Variants in ADGRL2 observed in about 807,000 individuals in gnomAD.
ADGRL2 encodes the protein adhesion G protein-coupled receptor L2.
A neutral mutation model predicts 157.4 loss-of-function variants in ADGRL2; 44 were observed. That is an observed-to-expected ratio of 0.28 (90% CI 0.22 to 0.36). The LOEUF is 0.36. ADGRL2 is among the 10% of genes least tolerant of loss of function. The probability of loss-of-function intolerance (pLI) is 1.00; values close to 1 mark genes in which losing one functional copy is unlikely to be tolerated. For synonymous variants in ADGRL2, 585 were observed against 624.7 expected (o/e 0.94, Z 0.95); for missense variants, 1,510 against 1,768.9 (o/e 0.85, Z 2.63).
At chr1:81,642,250 A>C (rs78439589) in intron 3 of ADGRL2, among the ~76,000 whole-genome samples, 2,316 of 142,504 alleles carry the variant, frequency 0.016, 16 homozygotes, top group African/African-American at 0.057. Flanking sequence ...TCTGTCTCCA[A>C]AAAAAAAAAA....
intron 1 of ADGRL2, among the ~76,000 whole-genome samples, chr1:81,374,553 C>G (rs1166871264): frequency 1.5e-5 from 2 of 131,916 alleles, no homozygotes; most frequent in Non-Finnish European, 3.2e-5. Flanking sequence ...GCCTAAGCAA[C>G]AGAGTGAGAC....
In ADGRL2 at chr1:81,347,627, A is replaced by G. The variant is rs541251676; in HGVS notation, c.-302+41118A>G. On this transcript the variant is annotated intron_variant, in intron 1 of 24. Coordinates refer to the ADGRL2 transcript ENST00000370721. ...TCCTTATGCTTATAATAAAAAGTGA[A>G]GAAGGAATTGTTAATCAAAAAGGAA... Among the ~76,000 whole-genome samples the G allele has an allele frequency of 2.6e-5, 4 of 152,336 alleles. No homozygotes were observed. The South Asian group carries it at 8.3e-4, about 32-fold the overall frequency.
chr1:81,971,925 A>T lies in ADGRL2; in HGVS notation c.3021+7A>T, dbSNP rs1304822987. 1 of 1,603,720 alleles carries T rather than the reference A, an allele frequency of 6.2e-7. No homozygotes were observed. Reference sequence around the variant, plus strand: ...TGTTACCTTCATTATTCTGGTAAGCAGGTTCTGTTTTCCCTTGCTTTTTAG... The same window carrying T: ...TGTTACCTTCATTATTCTGGTAAGCTGGTTCTGTTTTCCCTTGCTTTTTAG... On this transcript the variant is annotated splice_region_variant and intron_variant, in intron 17 of 23. Transcript: ENST00000686636.
intron 2 of ADGRL2, among the ~76,000 whole-genome samples, chr1:81,843,222 T>A (rs913231653): frequency 6.6e-6 from 1 of 152,130 alleles, no homozygotes; most frequent in Non-Finnish European, 1.5e-5. Flanking sequence ...AACCTCGGCC[T>A]CCTGGGTTCA....
At chr1:81,397,465 G>T (rs757579640) in intron 1 of ADGRL2, among the ~76,000 whole-genome samples, 4 of 151,628 alleles carry the variant, frequency 2.6e-5, no homozygotes, top group African/African-American at 9.7e-5. Context: ...GACTAGAGGC[G>T]CCCGCCACCA....
intron 2 of ADGRL2, among the ~76,000 whole-genome samples, chr1:81,889,136 T>A (rs989513779): frequency 3.3e-5 from 5 of 152,184 alleles, no homozygotes; most frequent in Non-Finnish European, 7.4e-5. Context: ...CAACGGCCTA[T>A]ATATGTTCAA....
chr1:81,865,936 G>A, intron 2 of ADGRL2, among the ~76,000 whole-genome samples: 1 of 152,186 alleles, frequency 6.6e-6, no homozygotes, highest in Non-Finnish European at 1.5e-5. Context: ...TGTGCCAACA[G>A]TCATAAAATA....
At chr1:81,430,885 A>G (rs996876323) in intron 1 of ADGRL2, among the ~76,000 whole-genome samples, 4 of 152,218 alleles carry the variant, frequency 2.6e-5, no homozygotes, top group Non-Finnish European at 5.9e-5. Flanking sequence ...TGATTTGTTT[A>G]CTAATTTTGG....
chr1:81,915,481 T>G (rs1243764950), intron 3 of ADGRL2, among the ~76,000 whole-genome samples: 4 of 152,144 alleles, frequency 2.6e-5, no homozygotes, highest in African/African-American at 9.7e-5. Context: ...TACTTCTCAT[T>G]AATTTAGGGG....
chr1:81,969,330 C>T lies in ADGRL2; in HGVS notation c.2676C>T (p.Ile892=). The change falls in exon 15 of 24, where the codon ATC becomes ATT. Residue 892 remains isoleucine, a synonymous_variant. Transcript: ENST00000686636. ...DRNTIHKNLC[I]NLFIAEFIFL... is the part of the protein sequence containing the mutation. ...ATACTATTCACAAGAACCTTTGTATCAACCTTTTCATTGCTGAATTTATTT... is the reference window on the plus strand; with the variant it reads ...ATACTATTCACAAGAACCTTTGTATTAACCTTTTCATTGCTGAATTTATTT... The T allele has an allele frequency of 6.2e-7, 1 of 1,613,944 alleles. No individual in the cohort carries two copies. The highest frequency in any genetic ancestry group is 1.1e-5 in the South Asian group (1 of 91,078).
intron 2 of ADGRL2, among the ~76,000 whole-genome samples, chr1:81,563,379 A>G (rs1391408250): frequency 1.3e-5 from 2 of 152,130 alleles, no homozygotes; most frequent in Non-Finnish European, 2.9e-5. Context: ...TTGATTACTT[A>G]AGGGATAGGC....
At chr1:81,377,296 C>T (rs2076266941) in intron 1 of ADGRL2, among the ~76,000 whole-genome samples, 1 of 152,018 alleles carries the variant, frequency 6.6e-6, no homozygotes, top group Non-Finnish European at 1.5e-5. Context: ...TGAGATTACT[C>T]TGAAAGTTGA....
At chr1:81,413,899 C>T (rs1342115721) in intron 1 of ADGRL2, among the ~76,000 whole-genome samples, 2 of 152,124 alleles carry the variant, frequency 1.3e-5, no homozygotes, top group Non-Finnish European at 1.5e-5. Flanking sequence ...ATTTAAGATG[C>T]AAACATCAAA....
intron 2 of ADGRL2, among the ~76,000 whole-genome samples, chr1:81,776,978 G>T (rs1039499659): frequency 6.6e-6 from 1 of 152,046 alleles, no homozygotes; most frequent in Non-Finnish European, 1.5e-5. Flanking sequence ...AATTCTTAAT[G>T]ATGATTAAAT....
chr1:81,562,567 A>T (rs563886009), intron 2 of ADGRL2, among the ~76,000 whole-genome samples: 3 of 152,268 alleles, frequency 2.0e-5, no homozygotes, highest in Admixed American at 6.5e-5. Context: ...GTATAGCCTC[A>T]GCTGGAAAAT....
intron 1 of ADGRL2, among the ~76,000 whole-genome samples, chr1:81,829,159 G>C (rs185188281): frequency 1.7e-4 from 26 of 152,180 alleles, no homozygotes; most frequent in African/African-American, 6.3e-4. Context: ...CAATCCACCT[G>C]CCTTGGCCTC....
At chr1:81,857,004 C>T (rs368702661) in intron 2 of ADGRL2, among the ~76,000 whole-genome samples, 2 of 152,180 alleles carry the variant, frequency 1.3e-5, no homozygotes, top group East Asian at 3.9e-4. Context: ...TAATTTAAAT[C>T]TAAAAACAAT....
chr1:81,453,256 A>C (rs531940807), intron 2 of ADGRL2, among the ~76,000 whole-genome samples: 89 of 152,326 alleles, frequency 5.8e-4, no homozygotes, highest in African/African-American at 1.9e-3. Context: ...TACAGAGAAA[A>C]CCAAACTTAA....
chr1:81,427,396 T>C lies in ADGRL2; in HGVS notation c.-301-17640T>C, dbSNP rs1413654524. 8 of 742,176 alleles carry C rather than the reference T, an allele frequency of 1.1e-5. No individual in the cohort carries two copies. In the East Asian group the frequency reaches 2.0e-4, roughly 18 times the overall value. The allele number at this position is 742,176 out of a possible 1,614,324, so 46.0% of individuals were successfully genotyped here. ...GAAACCAAGGTGGTAGATATGGTGG[T>C]GGTGGTGGAGGATATGATGGTTGCA... On this transcript the variant is annotated intron_variant, in intron 1 of 24. Coordinates refer to the ADGRL2 transcript ENST00000370721.
Sources: allele counts gnomAD v4.1 joint callset (sites outside exome capture counted in the v4.1 genomes callset), GRCh38; gene constraint gnomAD v4.1.1; transcripts MANE v1.5; gene names NCBI Gene and HGNC (gene_info 2026-07-23, HGNC 2026-07-21).